RBFOX1: variants seen among roughly 807,000 people sequenced by gnomAD.
The protein encoded by RBFOX1 is RNA binding protein fox-1 homolog 1.
RBFOX1 carries 8 observed loss-of-function variants against 57.7 expected under a neutral mutation model. The ratio of observed to expected loss-of-function variants is 0.14; its 90% CI spans 0.08 to 0.25. The LOEUF (loss-of-function observed/expected upper bound fraction) is 0.25. RBFOX1 is among the 10% of genes least tolerant of loss of function. The pLI is 1.00. For missense variants in RBFOX1, 611 were observed against 548.5 expected, an observed-to-expected ratio of 1.11 and a Z score of -1.14; for synonymous variants, 326 against 222.4, an observed-to-expected ratio of 1.47 and a Z score of -4.15.
chr16:6,832,806 C>A (rs2092803088), intron 3 of RBFOX1, among the ~76,000 whole-genome samples: 1 of 152,224 alleles, frequency 6.6e-6, no homozygotes, highest in Non-Finnish European at 1.5e-5. Flanking sequence ...AGCCCAGCTA[C>A]TGTTTTCATT....
chr16:7,208,892 G>C (rs1294146287), intron 4 of RBFOX1, among the ~76,000 whole-genome samples: 2 of 152,092 alleles, frequency 1.3e-5, no homozygotes, highest in South Asian at 2.1e-4. Flanking sequence ...AGGACTAAGA[G>C]AGCAAGAATT....
At chr16:7,440,229 C>G (rs140974704) in intron 4 of RBFOX1, among the ~76,000 whole-genome samples, 2 of 152,154 alleles carry the variant, frequency 1.3e-5, no homozygotes, top group African/African-American at 4.8e-5. Context: ...ATTCATGCCA[C>G]TGTGGCCTGC....
At chr16:5,484,847 G>T (rs868028189) in intron 2 of RBFOX1, among the ~76,000 whole-genome samples, 4 of 151,506 alleles carry the variant, frequency 2.6e-5, no homozygotes, top group African/African-American at 4.9e-5. Context: ...GGGAGCCAGA[G>T]ATCGTGTCAC....
At chr16:7,210,319 A>G (rs911789427) in intron 4 of RBFOX1, among the ~76,000 whole-genome samples, 33 of 152,012 alleles carry the variant, frequency 2.2e-4, no homozygotes, top group Non-Finnish European at 7.4e-5. Context: ...TATGTTGGCA[A>G]CTCTTGGGCA....
intron 3 of RBFOX1, among the ~76,000 whole-genome samples, chr16:6,869,441 T>G (rs1410876363): frequency 1.3e-5 from 2 of 149,304 alleles, no homozygotes; most frequent in Non-Finnish European, 3.0e-5. Flanking sequence ...CTGTCTTGTA[T>G]TAGGAAGGAG....
intron 4 of RBFOX1, among the ~76,000 whole-genome samples, chr16:5,887,016 A>G (rs1170344788): frequency 6.6e-6 from 1 of 152,192 alleles, no homozygotes; most frequent in Non-Finnish European, 1.5e-5. Flanking sequence ...TGTCCTGTGC[A>G]TTGCAGAATG....
chr16:6,641,482 C>T (rs2098487167), intron 2 of RBFOX1, among the ~76,000 whole-genome samples: 1 of 152,088 alleles, frequency 6.6e-6, no homozygotes, highest in African/African-American at 2.4e-5. Context: ...CACCTGTAAT[C>T]CCAGCACTTT....
chr16:7,699,458 C>T (rs2079927850), intron 14 of RBFOX1, among the ~76,000 whole-genome samples: 1 of 152,100 alleles, frequency 6.6e-6, no homozygotes, highest in Admixed American at 6.5e-5. Flanking sequence ...TACCAAAGTC[C>T]TGCGAGTACA....
intron 4 of RBFOX1, among the ~76,000 whole-genome samples, chr16:7,155,712 A>AAAATATATAT (rs1195367029): frequency 1.7e-4 from 13 of 77,398 alleles, no homozygotes; most frequent in African/African-American, 8.7e-4. Flanking sequence ...AAAAAAAAAA[A>AAAATATATAT]ATATATATAT....
intron 2 of RBFOX1, among the ~76,000 whole-genome samples, chr16:6,322,911 A>G (rs2081976123): frequency 6.6e-6 from 1 of 152,122 alleles, no homozygotes; most frequent in Non-Finnish European, 1.5e-5. Flanking sequence ...ATGCTCATTG[A>G]CCATCCCATT....
chr16:7,377,235 G>A (rs960439752), intron 4 of RBFOX1, among the ~76,000 whole-genome samples: 3 of 152,272 alleles, frequency 2.0e-5, no homozygotes, highest in Middle Eastern at 3.4e-3. Flanking sequence ...GACAGGAAGT[G>A]CTCTGGCATA....
chr16:5,849,088 C>A (rs1387399989), intron 3 of RBFOX1, among the ~76,000 whole-genome samples: 3 of 152,074 alleles, frequency 2.0e-5, no homozygotes, highest in Admixed American at 2.0e-4. Flanking sequence ...ACACTAGAGT[C>A]CTTGGTCTTC....
chr16:6,913,431 C>G (rs770616225), intron 3 of RBFOX1, among the ~76,000 whole-genome samples: 1 of 152,130 alleles, frequency 6.6e-6, no homozygotes, highest in Non-Finnish European at 1.5e-5. Context: ...GAACATCTTT[C>G]CTCTCATATC....
chr16:6,106,490 G>C (rs914937699), intron 1 of RBFOX1, among the ~76,000 whole-genome samples: 3 of 135,298 alleles, frequency 2.2e-5, no homozygotes, highest in Admixed American at 2.1e-4. Flanking sequence ...AAAAAAGGTA[G>C]TTCCATGCTC....
intron 2 of RBFOX1, among the ~76,000 whole-genome samples, chr16:6,533,672 C>T (rs2345023): frequency 6.6e-6 from 1 of 151,784 alleles, no homozygotes; most frequent in Admixed American, 6.6e-5. Flanking sequence ...CTACTGGATG[C>T]TGGAATGGAA....
At chr16:5,274,314 A>T (rs1048862450) in intron 1 of RBFOX1, among the ~76,000 whole-genome samples, 3 of 152,140 alleles carry the variant, frequency 2.0e-5, no homozygotes, top group African/African-American at 7.2e-5. Context: ...AGATCACTTG[A>T]GGCCAGGAGT....
At chr16:7,270,570 C>G (rs921388754) in intron 4 of RBFOX1, among the ~76,000 whole-genome samples, 4 of 152,162 alleles carry the variant, frequency 2.6e-5, no homozygotes, top group African/African-American at 9.7e-5. Flanking sequence ...GGCCCACAGA[C>G]TAGAATCATA....
At chr16:5,673,334 C>G (rs1281570072) in intron 3 of RBFOX1, among the ~76,000 whole-genome samples, 2 of 152,010 alleles carry the variant, frequency 1.3e-5, no homozygotes, top group Non-Finnish European at 2.9e-5. Context: ...GTTCCAAGGT[C>G]GACAGGGTTG....
intron 1 of RBFOX1, among the ~76,000 whole-genome samples, chr16:6,062,621 T>TATATAACATATACATATA (rs1555492768): frequency 1.4e-5 from 2 of 147,712 alleles, no homozygotes; most frequent in Non-Finnish European, 3.0e-5. Flanking sequence ...AATATATAAA[T>TATATAACATATACATATA]ATATATAACA....
Sources: allele counts gnomAD v4.1 joint callset (sites outside exome capture counted in the v4.1 genomes callset), GRCh38; gene constraint gnomAD v4.1.1; transcripts MANE v1.5; gene names NCBI Gene and HGNC (gene_info 2026-07-23, HGNC 2026-07-21).